The following SNTG1 variants were observed in gnomAD, a reference collection of about 807,000 sequenced individuals.
The protein encoded by SNTG1 is syntrophin gamma 1.
A neutral mutation model predicts 74.7 loss-of-function variants in SNTG1; 39 were observed. The observed-to-expected ratio is 0.52, with a 90% confidence interval of 0.40 to 0.68. SNTG1 has a LOEUF of 0.68. Ranked by LOEUF, SNTG1 falls within the 30% of genes least tolerant of loss-of-function variation. SNTG1 has a pLI of 0.00. For synonymous variants in SNTG1, 254 were observed against 217.1 expected (o/e 1.17, Z -1.49); for missense variants, 685 against 609.5 (o/e 1.12, Z -1.30).
chr8:50,781,187 TG>T (rs201822940), intron 18 of SNTG1, among the ~76,000 whole-genome samples: 4,193 of 152,264 alleles, frequency 0.028, 208 homozygotes, highest in African/African-American at 0.096. Flanking sequence ...TCTGTTGATT[TG>T]GGGTGGAGAG....
chr8:50,069,531 C>T (rs1821175942), intron 1 of SNTG1, among the ~76,000 whole-genome samples: 1 of 135,810 alleles, frequency 7.4e-6, no homozygotes, highest in African/African-American at 2.8e-5. Context: ...CTTGAAAATA[C>T]TTGCATTACT....
intron 18 of SNTG1, among the ~76,000 whole-genome samples, chr8:50,765,441 C>T (rs1259807336): frequency 6.6e-6 from 1 of 151,876 alleles, no homozygotes; most frequent in East Asian, 1.9e-4. Flanking sequence ...ACCCAGAGAA[C>T]TTGTCACGTG....
In SNTG1 at chr8:50,170,152, G is replaced by A. The variant is rs79944818; in HGVS notation, c.-102-2409G>A. ...ACCTCTGTGGCTATAGAGACCAGGA[G>A]CGGACCAGCCTCAGTGACGACAGCA... On this transcript the variant is annotated intron_variant, in intron 1 of 18. Coordinates refer to ENST00000642720, the MANE Select transcript of SNTG1 (RefSeq NM_018967.5). Among the ~76,000 whole-genome samples the A allele has an allele frequency of 3.9e-3, 587 of 152,210 alleles. 7 individuals are homozygous for A. Among genetic ancestry groups the A allele is most frequent in the African/African-American group, 0.013 (557 of 41,518 alleles).
At chr8:50,310,767 G>A (rs2090080603) in intron 2 of SNTG1, among the ~76,000 whole-genome samples, 1 of 152,116 alleles carries the variant, frequency 6.6e-6, no homozygotes, top group African/African-American at 2.4e-5. Context: ...CTATTAAAGT[G>A]TTTTTACATA....
chr8:50,408,883 C>T (rs4538902), intron 4 of SNTG1, among the ~76,000 whole-genome samples: 141,111 of 152,190 alleles, frequency 0.93, 65,956 homozygotes, highest in Non-Finnish European at 1. Context: ...ATTTGGATAG[C>T]AAAGGGACCC....
intron 18 of SNTG1, among the ~76,000 whole-genome samples, chr8:50,788,092 G>A (rs1028353128): frequency 6.6e-6 from 1 of 152,006 alleles, no homozygotes; most frequent in Admixed American, 6.6e-5. Context: ...AATGACATAA[G>A]TAAATCTGAC....
At chr8:49,973,205 C>T (rs1301342809) in intron 1 of SNTG1, among the ~76,000 whole-genome samples, 2 of 152,182 alleles carry the variant, frequency 1.3e-5, no homozygotes, top group Non-Finnish European at 2.9e-5. Context: ...GAGTTCATGT[C>T]CTTTGTAGGG....
chr8:50,094,236 G>A (rs2079846717), intron 1 of SNTG1, among the ~76,000 whole-genome samples: 1 of 152,002 alleles, frequency 6.6e-6, no homozygotes, highest in African/African-American at 2.4e-5. Context: ...TTGTGCTAAG[G>A]GAAAGAAGAT....
At chr8:50,607,791 T>C (rs1399129688) in intron 13 of SNTG1, among the ~76,000 whole-genome samples, 1 of 151,668 alleles carries the variant, frequency 6.6e-6, no homozygotes, top group Non-Finnish European at 1.5e-5. Flanking sequence ...TTTTTTAGCT[T>C]ATTGAAATGT....
intron 4 of SNTG1, among the ~76,000 whole-genome samples, chr8:50,433,526 TG>T (rs904692013): frequency 2.0e-5 from 3 of 151,650 alleles, no homozygotes; most frequent in Non-Finnish European, 4.4e-5. Context: ...TCAGGCCTGT[TG>T]GGATAGAAAG....
intron 12 of SNTG1, among the ~76,000 whole-genome samples, chr8:50,577,828 A>T (rs2094585722): frequency 6.6e-6 from 1 of 152,200 alleles, no homozygotes; most frequent in Admixed American, 6.5e-5. Flanking sequence ...ACAAACTACA[A>T]GATGTTGAGA....
intron 15 of SNTG1, among the ~76,000 whole-genome samples, chr8:50,679,568 G>A (rs1215315149): frequency 6.6e-6 from 1 of 152,142 alleles, no homozygotes; most frequent in Non-Finnish European, 1.5e-5. Context: ...CCCTTGAAGT[G>A]ATATCAGTCA....
intron 2 of SNTG1, among the ~76,000 whole-genome samples, chr8:50,191,820 A>G (rs1170277037): frequency 6.6e-6 from 1 of 152,044 alleles, no homozygotes; most frequent in Non-Finnish European, 1.5e-5. Context: ...GGTGATACCA[A>G]TCACCATTGA....
intron 8 of SNTG1, among the ~76,000 whole-genome samples, chr8:50,484,154 TTCCTTCCTTCC>T (rs2093767467): frequency 6.7e-4 from 25 of 37,380 alleles, no homozygotes; most frequent in East Asian, 2.6e-3. Context: ...CTTTCTTTCC[TTCCTTCCTTCC>T]TTCCTTCCTT....
At chr8:50,349,053 C>T (rs753630041) in intron 2 of SNTG1, among the ~76,000 whole-genome samples, 1 of 152,120 alleles carries the variant, frequency 6.6e-6, no homozygotes, top group Non-Finnish European at 1.5e-5. Flanking sequence ...ATGAAGAATC[C>T]CCAACATTAA....
intron 2 of SNTG1, among the ~76,000 whole-genome samples, chr8:50,379,717 C>T (rs1587393968): frequency 6.6e-6 from 1 of 152,370 alleles, no homozygotes; most frequent in Admixed American, 6.5e-5. Context: ...CCAAGGACTA[C>T]AGAAACTCTC....
chr8:50,255,028 AATTGT>A (rs1389665556), intron 2 of SNTG1, among the ~76,000 whole-genome samples: 1 of 137,830 alleles, frequency 7.3e-6, no homozygotes, highest in East Asian at 2.2e-4. Context: ...CTTCAATCTG[AATTGT>A]AGCCTTTCTG....
chr8:50,149,307 G>C (rs1177158046), intron 1 of SNTG1, among the ~76,000 whole-genome samples: 5 of 152,196 alleles, frequency 3.3e-5, no homozygotes, highest in Non-Finnish European at 7.3e-5. Flanking sequence ...TGCAAGATGA[G>C]TAGATTGCAA....
chr8:50,673,429 T>C (rs1461017979), intron 15 of SNTG1, among the ~76,000 whole-genome samples: 1 of 152,178 alleles, frequency 6.6e-6, no homozygotes, highest in African/African-American at 2.4e-5. Flanking sequence ...TTTTATTCTC[T>C]TTGTAGCCAT....
Sources: gnomAD v4.1 joint callset for allele counts (sites outside exome capture counted in the v4.1 genomes callset) on GRCh38, gnomAD v4.1.1 for gene constraint, MANE v1.5 for transcripts, NCBI Gene and HGNC (gene_info 2026-07-23, HGNC 2026-07-21) for gene names.